DLGAP2: variants seen among roughly 807,000 people sequenced by gnomAD.
The protein encoded by DLGAP2 is disks large-associated protein 2.
DLGAP2 carries 26 observed loss-of-function variants against 100.3 expected under a neutral mutation model. The ratio of observed to expected loss-of-function variants is 0.26; its 90% CI spans 0.19 to 0.36. DLGAP2 has a LOEUF of 0.36. DLGAP2 is among the 10% of genes least tolerant of loss of function. The pLI, the probability that DLGAP2 is intolerant of heterozygous loss-of-function variation, is 1.00. For missense variants in DLGAP2, 1,858 were observed against 1,453.2 expected (o/e 1.28, Z -4.53); for synonymous variants, 886 against 630.1 (o/e 1.41, Z -6.08).
At chr8:910,293 C>T (rs1163562460) in intron 2 of DLGAP2, 1 of 152,210 alleles carries the variant, frequency 6.6e-6, no homozygotes, top group Non-Finnish European at 1.5e-5. Flanking sequence ...TAACTTTATA[C>T]ATGTCATGTT....
intron 3 of DLGAP2, among the ~76,000 whole-genome samples, chr8:1,417,648 GCCCCACTCCT>G (rs1563134128): frequency 5.2e-5 from 4 of 76,830 alleles, no homozygotes; most frequent in East Asian, 9.3e-4. Context: ...GGCACGGGGA[GCCCCACTCCT>G]GCCTCACTCC....
intron 13 of DLGAP2, among the ~76,000 whole-genome samples, chr8:1,693,034 CCT>C: frequency 6.8e-6 from 1 of 147,222 alleles, no homozygotes; most frequent in Admixed American, 6.8e-5. Context: ...TATATATACA[CCT>C]ATATATAAAC....
chr8:1,576,190 G>A (rs1433562742), intron 6 of DLGAP2, among the ~76,000 whole-genome samples: 1 of 152,164 alleles, frequency 6.6e-6, no homozygotes, highest in Admixed American at 6.5e-5. Context: ...TCTCATTGTG[G>A]TTTTGATTTG....
rs990303213 is a variant in DLGAP2, at chr8:1,705,201, A to T, written c.*3795A>T. 1.1e-4 allele frequency: 16 copies of T among 151,888 alleles called. No homozygotes were observed. Among genetic ancestry groups the T allele is most frequent in the Admixed American group, 9.8e-4 (15 of 15,232 alleles). 9.4% of individuals were successfully genotyped at this position (151,888 alleles called of 1,614,324 possible). A position where few individuals can be genotyped will look rare whatever the true frequency, so the allele number is the denominator to read the frequency against. On this transcript the variant is annotated 3_prime_UTR_variant, in exon 15 of 15. Transcript: ENST00000637795. Reference sequence around the variant, plus strand: ...TCGAGGGGCGAGTAGGGAGTGGGGGAGGTGGGTCCAAGTCTCCCTCAGGAA... The same window carrying T: ...TCGAGGGGCGAGTAGGGAGTGGGGGTGGTGGGTCCAAGTCTCCCTCAGGAA...
At chr8:1,173,294 G>T (rs969167947) in intron 2 of DLGAP2, among the ~76,000 whole-genome samples, 9 of 152,176 alleles carry the variant, frequency 5.9e-5, no homozygotes, top group East Asian at 1.9e-4. Flanking sequence ...TGCCCCTACT[G>T]GGGGGTGCCT....
chr8:1,543,296 A>G (rs531051370), intron 4 of DLGAP2, among the ~76,000 whole-genome samples: 2 of 152,206 alleles, frequency 1.3e-5, no homozygotes, highest in East Asian at 1.9e-4. Context: ...AAATGCATCT[A>G]TGTTTTCTAC....
chr8:755,610 G>T (rs931091965), intron 1 of DLGAP2, among the ~76,000 whole-genome samples: 1 of 152,204 alleles, frequency 6.6e-6, no homozygotes, highest in African/African-American at 2.4e-5. Context: ...TAGGAACGAG[G>T]GGCAGGTGGG....
At chr8:960,885 T>C (rs764243514) in intron 2 of DLGAP2, among the ~76,000 whole-genome samples, 6 of 152,266 alleles carry the variant, frequency 3.9e-5, no homozygotes, top group African/African-American at 7.2e-5. Context: ...AATAAACTGA[T>C]TGTAAACTCA....
At chr8:776,061 T>A (rs1821507068) in intron 1 of DLGAP2, among the ~76,000 whole-genome samples, 2 of 152,160 alleles carry the variant, frequency 1.3e-5, no homozygotes, top group African/African-American at 4.8e-5. Context: ...ATTCAGCTTC[T>A]TCCTGGTTTA....
intron 2 of DLGAP2, among the ~76,000 whole-genome samples, chr8:1,007,319 G>A (rs575092469): frequency 3.3e-5 from 5 of 152,334 alleles, no homozygotes; most frequent in East Asian, 1.9e-4. Flanking sequence ...CTGGCCAGCC[G>A]CTCTCAGGTG....
At position 1,591,846 on chromosome 8, in the gene DLGAP2, G is replaced by A. The variant is rs374614674; in HGVS notation, c.1442+25952G>A. On this transcript the variant is annotated intron_variant, in intron 6 of 14. Transcript: ENST00000637795. ...TTGTGGATTCTGAAGCCCTCGCTTG[G>A]CCTCTGCGTCAATAATTCTGACATG... is the stretch of plus-strand genomic sequence containing the variant. 3.3e-5 allele frequency among the ~76,000 whole-genome samples: 5 copies of A among 152,276 alleles called. No homozygotes were observed. The East Asian group carries it at 7.7e-4, about 24-fold the overall frequency.
intron 2 of DLGAP2, among the ~76,000 whole-genome samples, chr8:1,196,056 T>A (rs1381763024): frequency 6.6e-6 from 1 of 152,320 alleles, no homozygotes; most frequent in South Asian, 2.1e-4. Context: ...AAAATGAAAC[T>A]GAGGCCACAA....
intron 1 of DLGAP2, among the ~76,000 whole-genome samples, chr8:844,026 A>T (rs1388407170): frequency 6.6e-6 from 1 of 152,250 alleles, no homozygotes; most frequent in Non-Finnish European, 1.5e-5. Context: ...TTTGACATTT[A>T]ATAGTACCTG....
chr8:953,186 T>G (rs916434692), intron 2 of DLGAP2, among the ~76,000 whole-genome samples: 1 of 152,094 alleles, frequency 6.6e-6, no homozygotes, highest in African/African-American at 2.4e-5. Flanking sequence ...ATTTCTATGT[T>G]TCTTTTTTTT....
rs1369353801 is a variant in DLGAP2, at chr8:1,501,379, A to C, written c.120A>C (p.Gly40=). The C allele has an allele frequency of 6.5e-7, 1 of 1,535,898 alleles. No homozygotes were observed. The highest frequency in any genetic ancestry group is 2.4e-5 in the East Asian group (1 of 40,912). The change falls in exon 4 of 15, where the codon GGA becomes GGC. Residue 40 remains glycine (G), a synonymous_variant. Coordinates refer to ENST00000637795, the MANE Select transcript of DLGAP2 (RefSeq NM_001346810.2). The part of the protein sequence containing the change: ...LCGEPEEEEA[G]DLVQPGISFP... ...CTGTCTTTGCAGAGGAAGAAGCTGG[A>C]GACTTGGTCCAGCCGGGCATCAGCT...
At chr8:1,348,367 A>G (rs147666492) in intron 3 of DLGAP2, among the ~76,000 whole-genome samples, 22 of 142,216 alleles carry the variant, frequency 1.5e-4, no homozygotes, top group South Asian at 4.6e-4. Flanking sequence ...CACTCATGGT[A>G]GCTGTGTGGA....
intron 2 of DLGAP2, among the ~76,000 whole-genome samples, chr8:1,081,143 TAC>T (rs1164632606): frequency 6.6e-6 from 1 of 152,204 alleles, no homozygotes; most frequent in Non-Finnish European, 1.5e-5. Context: ...CCACCTTTCT[TAC>T]TGTTTTCTCG....
chr8:1,586,130 G>A (rs187541449), intron 6 of DLGAP2, among the ~76,000 whole-genome samples: 45 of 152,366 alleles, frequency 3.0e-4, no homozygotes, highest in Non-Finnish European at 4.1e-4. Flanking sequence ...GAGCCAACAC[G>A]GGTTTCTCTG....
At chr8:1,412,498 C>T (rs1236075165) in intron 3 of DLGAP2, among the ~76,000 whole-genome samples, 1 of 152,210 alleles carries the variant, frequency 6.6e-6, no homozygotes, top group Non-Finnish European at 1.5e-5. Flanking sequence ...TGCTACTTGA[C>T]CTGCAGAATA....
Sources: gnomAD v4.1 joint callset for allele counts (sites outside exome capture counted in the v4.1 genomes callset) on GRCh38, gnomAD v4.1.1 for gene constraint, MANE v1.5 for transcripts, NCBI Gene and HGNC (gene_info 2026-07-23, HGNC 2026-07-21) for gene names.